Variants in CSMD2 observed in about 807,000 individuals in gnomAD.
CSMD2 encodes the protein CUB and sushi domain-containing protein 2.
In CSMD2, 130 loss-of-function variants were observed where a neutral mutation model predicts 398.5. The ratio of observed to expected loss-of-function variants is 0.33; its 90% confidence interval spans 0.28 to 0.38. CSMD2 has a LOEUF of 0.38. Ranked by LOEUF, CSMD2 falls within the 10% of genes least tolerant of loss-of-function variation. CSMD2 has a pLI of 1.00. For synonymous variants in CSMD2, 1,828 were observed against 1,908.5 expected (o/e 0.96, Z 1.10); for missense variants, 3,829 against 4,764.9 (o/e 0.80, Z 5.78).
intron 4 of CSMD2, among the ~76,000 whole-genome samples, chr1:33,923,484 T>C (rs1644020439): frequency 6.6e-6 from 1 of 152,136 alleles, no homozygotes. Flanking sequence ...TGTGGAACCA[T>C]GAGTCAATTA....
At chr1:34,040,075 C>CA (rs1333070672) in intron 2 of CSMD2, among the ~76,000 whole-genome samples, 3 of 151,860 alleles carry the variant, frequency 2.0e-5, no homozygotes, top group Non-Finnish European at 4.4e-5. Flanking sequence ...TAAGTGGTCC[C>CA]AGCTATTCAG....
chr1:33,909,391 C>G (rs1242545007), intron 5 of CSMD2, among the ~76,000 whole-genome samples: 1 of 152,138 alleles, frequency 6.6e-6, no homozygotes, highest in Non-Finnish European at 1.5e-5. Context: ...AGAATAGGGT[C>G]CCCACTGCTG....
At chr1:33,827,689 C>A (rs1271889294) in intron 6 of CSMD2, among the ~76,000 whole-genome samples, 1 of 152,166 alleles carries the variant, frequency 6.6e-6, no homozygotes, top group African/African-American at 2.4e-5. Context: ...CGCCTAGAAT[C>A]ATTTCATTTG....
chr1:33,591,903 T>G, intron 44 of CSMD2: 2 of 164,848 alleles, frequency 1.2e-5, no homozygotes, highest in Admixed American at 1.1e-4. Context: ...AGTATACACT[T>G]TAAATTTATA....
intron 28 of CSMD2, among the ~76,000 whole-genome samples, chr1:33,650,281 C>T (rs1022913937): frequency 1.3e-5 from 2 of 152,140 alleles, no homozygotes; most frequent in Non-Finnish European, 2.9e-5. Context: ...ATATCAACAA[C>T]AAAATAATGT....
intron 46 of CSMD2, 44 bp downstream of exon 46, chr1:33,586,460 G>A: frequency 1.6e-6 from 2 of 1,282,144 alleles, no homozygotes; most frequent in Non-Finnish European, 2.3e-6. Context: ...CTTTGTTCAG[G>A]AGGAACTTCT....
At chr1:33,899,694 T>G (rs777879966) in intron 5 of CSMD2, among the ~76,000 whole-genome samples, 3 of 152,204 alleles carry the variant, frequency 2.0e-5, no homozygotes, top group Non-Finnish European at 4.4e-5. Flanking sequence ...CCAATCTGCA[T>G]GTTCCCAGCA....
At chr1:34,001,549 A>C (rs1646902878) in intron 3 of CSMD2, among the ~76,000 whole-genome samples, 1 of 152,254 alleles carries the variant, frequency 6.6e-6, no homozygotes, top group African/African-American at 2.4e-5. Flanking sequence ...TTACATATTT[A>C]GACAACAGGT....
chr1:34,141,207 A>T (rs1444237189), intron 1 of CSMD2, among the ~76,000 whole-genome samples: 1 of 150,118 alleles, frequency 6.7e-6, no homozygotes. Flanking sequence ...CTGGGTTTTC[A>T]TGTCTTGGTT....
At position 33,546,017 on chromosome 1, in the gene CSMD2, A is replaced by C. The variant is rs1489680336; in HGVS notation, c.9100+20T>G. On this transcript the variant is annotated intron_variant, in intron 57 of 70. Transcript: ENST00000373381. The stretch of plus-strand genomic sequence containing the variant: ...CTGGGGCTGGGCAAAGGGGAGAAGC[A>C]GAATGGTCACATACATTACCTCCAC... 6.3e-7 allele frequency: 1 copy of C among 1,592,762 alleles called. No individual in the cohort carries two copies. The highest frequency in any genetic ancestry group is 1.7e-5 in the Admixed American group (1 of 59,588).
intron 32 of CSMD2, among the ~76,000 whole-genome samples, chr1:33,628,267 G>C (rs898128838): frequency 6.6e-6 from 1 of 151,712 alleles, no homozygotes; most frequent in African/African-American, 2.4e-5. Flanking sequence ...AGGATAAAGA[G>C]ATTAAAATAA....
chr1:33,646,910 CA>C, intron 28 of CSMD2, 75 bp from the exon 29 acceptor site: 2 of 1,449,830 alleles, frequency 1.4e-6, no homozygotes, highest in Non-Finnish European at 9.3e-7. Flanking sequence ...TAGGCTCAAC[CA>C]AAGCATAGGG....
At chr1:33,841,721 T>G (rs746335187) in intron 6 of CSMD2, among the ~76,000 whole-genome samples, 6 of 152,082 alleles carry the variant, frequency 3.9e-5, no homozygotes, top group Non-Finnish European at 7.4e-5. Context: ...TTTAACATAC[T>G]CTTAGGTAAA....
At chr1:33,842,892 A>G (rs1660996870) in intron 6 of CSMD2, among the ~76,000 whole-genome samples, 1 of 152,200 alleles carries the variant, frequency 6.6e-6, no homozygotes, top group Non-Finnish European at 1.5e-5. Context: ...GTTGTGGTTC[A>G]TTAGATGTGG....
intron 5 of CSMD2, among the ~76,000 whole-genome samples, chr1:33,886,371 G>C (rs754938877): frequency 2.0e-4 from 31 of 152,324 alleles, no homozygotes; most frequent in Middle Eastern, 3.4e-3. Flanking sequence ...GGGCGTACTG[G>C]TGTTGCAGAG....
intron 25 of CSMD2, among the ~76,000 whole-genome samples, chr1:33,672,002 G>GT (rs397792515): frequency 5.3e-5 from 8 of 152,084 alleles, no homozygotes; most frequent in Non-Finnish European, 1.0e-4. Context: ...GCAAAGGGGG[G>GT]TGGAGCCAAG....
At position 33,673,235 on chromosome 1, in the gene CSMD2, A is replaced by C. The variant is rs547793804; in HGVS notation, c.4053-10143T>G. ...TTGAAAAAAATTAGACGAATGGCTA[A>C]CTAGAATAACCAATTCAGAGAAGTC... On this transcript the variant is annotated intron_variant, in intron 25 of 70. Transcript: ENST00000373381. Among the ~76,000 whole-genome samples the C allele has an allele frequency of 2.5e-3, 380 of 152,336 alleles. 1 individual carries two copies. Among genetic ancestry groups the C allele is most frequent in the Non-Finnish European group, 4.3e-3 (290 of 68,030 alleles).
chr1:33,536,384 C>A (rs907230983), intron 62 of CSMD2, among the ~76,000 whole-genome samples: 1 of 152,146 alleles, frequency 6.6e-6, no homozygotes, highest in African/African-American at 2.4e-5. Flanking sequence ...CCACCATGCC[C>A]GGCTAATGTT....
intron 3 of CSMD2, among the ~76,000 whole-genome samples, chr1:33,986,933 C>CGT (rs1212950096): frequency 6.6e-6 from 1 of 152,064 alleles, no homozygotes; most frequent in Admixed American, 6.6e-5. Context: ...GCATCCTTCT[C>CGT]GTGTGTGTGT....
Sources: gnomAD v4.1 joint callset for allele counts (sites outside exome capture counted in the v4.1 genomes callset) on GRCh38, gnomAD v4.1.1 for gene constraint, MANE v1.5 for transcripts, NCBI Gene and HGNC (gene_info 2026-07-23, HGNC 2026-07-21) for gene names.